IDE: variants seen among roughly 807,000 people sequenced by gnomAD.
The protein encoded by IDE is insulin-degrading enzyme.
IDE carries 58 observed loss-of-function variants against 133.2 expected under a neutral mutation model. The observed-to-expected ratio is 0.44, with a 90% CI of 0.35 to 0.54. The LOEUF is 0.54. Ranked by LOEUF, IDE falls within the 20% of genes least tolerant of loss-of-function variation. IDE has a pLI of 0.00. For synonymous variants in IDE, 396 were observed against 421.3 expected (o/e 0.94, Z 0.73); for missense variants, 981 against 1,234.0 (o/e 0.79, Z 3.07).
At chr10:92,560,491 G>A (rs1843222622) in intron 1 of IDE, among the ~76,000 whole-genome samples, 1 of 152,126 alleles carries the variant, frequency 6.6e-6, no homozygotes, top group African/African-American at 2.4e-5. Flanking sequence ...CTCAAAGGTT[G>A]AGAGAAGTGA....
At chr10:92,491,519 C>T (rs973116463) in intron 11 of IDE, among the ~76,000 whole-genome samples, 18 of 152,270 alleles carry the variant, frequency 1.2e-4, no homozygotes, top group South Asian at 4.1e-4. Context: ...ACCACTGTAA[C>T]CTCTGCCTCC....
At chr10:92,539,507 T>G (rs1021605866) in intron 1 of IDE, among the ~76,000 whole-genome samples, 3 of 152,206 alleles carry the variant, frequency 2.0e-5, no homozygotes, top group Admixed American at 2.0e-4. Flanking sequence ...GGCTCGCGCC[T>G]GTAATCTCAG....
At chr10:92,520,852 C>T (rs1182136203) in intron 4 of IDE, among the ~76,000 whole-genome samples, 1 of 152,102 alleles carries the variant, frequency 6.6e-6, no homozygotes, top group African/African-American at 2.4e-5. Context: ...TTTCCACAGA[C>T]ACATATCCCA....
At chr10:92,484,393 G>A (rs1846835009) in intron 13 of IDE, among the ~76,000 whole-genome samples, 1 of 151,854 alleles carries the variant, frequency 6.6e-6, no homozygotes, top group Non-Finnish European at 1.5e-5. Flanking sequence ...CTCCAGCCTG[G>A]GCAACAGAGC....
At chr10:92,554,245 C>T (rs1842911017) in intron 1 of IDE, among the ~76,000 whole-genome samples, 1 of 152,188 alleles carries the variant, frequency 6.6e-6, no homozygotes, top group South Asian at 2.1e-4. Flanking sequence ...CAACCCCACA[C>T]AATCATCTCA....
chr10:92,510,790 TG>T (rs1848568613), intron 5 of IDE, among the ~76,000 whole-genome samples: 2 of 144,464 alleles, frequency 1.4e-5, no homozygotes, highest in Non-Finnish European at 3.0e-5. Context: ...ACATCTCACA[TG>T]ATATATAGCA....
At chr10:92,534,273 G>C (rs550544585) in intron 3 of IDE, among the ~76,000 whole-genome samples, 2 of 152,336 alleles carry the variant, frequency 1.3e-5, no homozygotes, top group Admixed American at 1.3e-4. Flanking sequence ...TGGAACAGAA[G>C]TATGTCTGAA....
chr10:92,559,677 A>C (rs1358137668), intron 1 of IDE, among the ~76,000 whole-genome samples: 1 of 151,992 alleles, frequency 6.6e-6, no homozygotes, highest in Non-Finnish European at 1.5e-5. Flanking sequence ...AAAATGTTTT[A>C]AAATGATTGT....
intron 1 of IDE, among the ~76,000 whole-genome samples, chr10:92,562,189 T>C (rs965817089): frequency 1.3e-5 from 2 of 152,196 alleles, no homozygotes; most frequent in Non-Finnish European, 2.9e-5. Flanking sequence ...AAATAACAAC[T>C]GCAAAACATA....
intron 4 of IDE, among the ~76,000 whole-genome samples, chr10:92,522,165 G>A (rs1849261289): frequency 6.6e-6 from 1 of 152,124 alleles, no homozygotes; most frequent in Non-Finnish European, 1.5e-5. Flanking sequence ...GTGTTATTAT[G>A]TTTACCACAG....
chr10:92,472,409 T>A (rs1846013298), intron 17 of IDE, among the ~76,000 whole-genome samples: 1 of 152,212 alleles, frequency 6.6e-6, no homozygotes, highest in Non-Finnish European at 1.5e-5. Context: ...ATTAATTGCA[T>A]ATGACCATAA....
intron 1 of IDE, among the ~76,000 whole-genome samples, chr10:92,552,857 C>CGAAAA (rs1842846016): frequency 2.0e-5 from 1 of 49,380 alleles, no homozygotes; most frequent in Non-Finnish European, 3.5e-5. Flanking sequence ...GACTCAGTCT[C>CGAAAA]AAAAAAAAAA....
chr10:92,540,295 A>G (rs1402586072), intron 1 of IDE, among the ~76,000 whole-genome samples: 1 of 152,256 alleles, frequency 6.6e-6, no homozygotes, highest in Non-Finnish European at 1.5e-5. Flanking sequence ...GCAAAGGACA[A>G]TCTGTTTAGA....
intron 22 of IDE, among the ~76,000 whole-genome samples, chr10:92,457,307 G>A (rs1029189687): frequency 1.9e-4 from 29 of 152,294 alleles, no homozygotes; most frequent in Middle Eastern, 3.4e-3. Context: ...TGAGTCCTGC[G>A]TTATATCAGG....
Position 92,537,539 on chromosome 10 carries a change from T to C in IDE, c.110A>G (p.Lys37Arg). 1.3e-6 allele frequency: 2 copies of C among 1,585,146 alleles called. No homozygotes were observed. Among genetic ancestry groups the C allele is most frequent in the Non-Finnish European group, 1.7e-6 (2 of 1,168,434 alleles). Residue 37 changes from lysine to arginine, a missense_variant, in exon 2 of 25, where the codon AAG becomes AGG. Lys to Arg is a conservative substitution (Grantham distance 26). Around this residue, in one of 2 missense-constraint regions of IDE, gnomAD observed 321 missense variants for 339.3 expected, o/e 0.95. Coordinates refer to ENST00000265986, the MANE Select transcript of IDE (RefSeq NM_004969.4). ...PPERLCGFQKKTYSKMNNPAI... is the reference protein window; with the variant it reads ...PPERLCGFQKRTYSKMNNPAI... ...TGGATTATTCATTTTGCTGTAAGTC[T>C]TTTTTTGGAAACTGAAAAGAAAGAG...
intron 14 of IDE, chr10:92,480,841 G>T: frequency 2.0e-6 from 1 of 506,422 alleles, no homozygotes; most frequent in South Asian, 8.6e-5. Context: ...CGATCTTCCT[G>T]CCTCGGCTTC....
chr10:92,566,245 G>A (rs1272912642), intron 1 of IDE, among the ~76,000 whole-genome samples: 3 of 151,582 alleles, frequency 2.0e-5, no homozygotes, highest in South Asian at 2.1e-4. Context: ...TATGTGCCAA[G>A]TTCCAGCTAC....
intron 11 of IDE, among the ~76,000 whole-genome samples, chr10:92,504,371 G>A (rs929256079): frequency 6.6e-6 from 1 of 152,124 alleles, no homozygotes; most frequent in African/African-American, 2.4e-5. Flanking sequence ...TTCTGAGATT[G>A]TAATCTTTAC....
chr10:92,486,768 G>T (rs1007205442), intron 13 of IDE, among the ~76,000 whole-genome samples: 2 of 151,924 alleles, frequency 1.3e-5, no homozygotes, highest in Non-Finnish European at 2.9e-5. Context: ...ATGTCATAAT[G>T]AATGTTTTTA....
Sources: gnomAD v4.1 joint callset for allele counts (sites outside exome capture counted in the v4.1 genomes callset) on GRCh38, gnomAD v4.1.1 for gene constraint, gnomAD v4.1.1 regional missense constraint, MANE v1.5 for transcripts, NCBI Gene and HGNC (gene_info 2026-07-23, HGNC 2026-07-21) for gene names.